MARCHF3: variants seen among roughly 807,000 people sequenced by gnomAD.
MARCHF3 encodes E3 ubiquitin-protein ligase MARCHF3.
MARCHF3 carries 13 observed loss-of-function variants against 24.2 expected under a neutral mutation model. That is an observed-to-expected ratio of 0.54 (90% confidence interval 0.35 to 0.85). The LOEUF is 0.85. MARCHF3 is among the 40% of genes least tolerant of loss of function. The pLI, the probability that MARCHF3 is intolerant of heterozygous loss-of-function variation, is 0.01. For synonymous variants in MARCHF3, 144 were observed against 137.3 expected (o/e 1.05, Z -0.34); for missense variants, 276 against 325.0 (o/e 0.85, Z 1.16).
At chr5:127,026,691 T>C (rs758773492) in intron 1 of MARCHF3, among the ~76,000 whole-genome samples, 2 of 152,160 alleles carry the variant, frequency 1.3e-5, no homozygotes, top group Non-Finnish European at 2.9e-5. Context: ...GTGTCATCTT[T>C]GAATGTGAAA....
In MARCHF3 at chr5:126,919,466, T is replaced by C. The variant is rs191616812; in HGVS notation, c.-56-1239A>G. On this transcript the variant is annotated intron_variant, in intron 1 of 4. Coordinates refer to ENST00000308660, the MANE Select transcript of MARCHF3 (RefSeq NM_178450.5). ...AAGGCTCAGACTTAAATAAATGAAATATCTTGTTATTTGCACAACCCAAAA... is the reference window on the plus strand; with the variant it reads ...AAGGCTCAGACTTAAATAAATGAAACATCTTGTTATTTGCACAACCCAAAA... Among the ~76,000 whole-genome samples the C allele has an allele frequency of 2.0e-5, 3 of 152,294 alleles. No homozygotes were observed. The East Asian group carries it at 5.8e-4, about 29-fold the overall frequency.
At chr5:126,870,812 G>C in intron 4 of MARCHF3, 21 bp from the exon 5 acceptor site, 1 of 1,612,478 alleles carries the variant, frequency 6.2e-7, no homozygotes. Flanking sequence ...GAGAGGAAAA[G>C]TAAGAGAAAA....
chr5:126,868,936 A>C lies in MARCHF3; in HGVS notation c.*1697T>G, dbSNP rs56163512. The C allele has an allele frequency of 6.6e-6, 1 of 152,156 alleles. No homozygotes were observed. The highest frequency in any genetic ancestry group is 1.5e-5 in the Non-Finnish European group (1 of 68,094). 9.4% of individuals were successfully genotyped at this position (152,156 alleles called of 1,614,324 possible). On this transcript the variant is annotated 3_prime_UTR_variant, in exon 5 of 5. Coordinates refer to ENST00000308660, the MANE Select transcript of MARCHF3 (RefSeq NM_178450.5). Reference sequence around the variant, plus strand: ...GGGGGGTGAGCAGGGCGCAGTAAACAGAAGGGCTGAGACATATATTACTGG... The same window carrying C: ...GGGGGGTGAGCAGGGCGCAGTAAACCGAAGGGCTGAGACATATATTACTGG...
At chr5:126,930,971 C>T (rs962485666) in intron 1 of MARCHF3, among the ~76,000 whole-genome samples, 1 of 152,176 alleles carries the variant, frequency 6.6e-6, no homozygotes, top group African/African-American at 2.4e-5. Context: ...TGTCCACATA[C>T]TTTGAGAGGG....
chr5:126,964,892 C>A (rs1042144826), intron 1 of MARCHF3, among the ~76,000 whole-genome samples: 1 of 152,118 alleles, frequency 6.6e-6, no homozygotes, highest in East Asian at 1.9e-4. Context: ...GAATCACATT[C>A]CTCCCTCCTA....
At chr5:127,009,707 C>T (rs758280029) in intron 1 of MARCHF3, among the ~76,000 whole-genome samples, 2 of 152,160 alleles carry the variant, frequency 1.3e-5, no homozygotes, top group African/African-American at 2.4e-5. Context: ...ACACTCTGCC[C>T]CCACAAAATC....
intron 1 of MARCHF3, among the ~76,000 whole-genome samples, chr5:126,935,329 C>T (rs926412013): frequency 6.6e-6 from 1 of 152,100 alleles, no homozygotes; most frequent in African/African-American, 2.4e-5. Context: ...AATGCTGACC[C>T]TCCCCCAAAT....
chr5:126,988,364 C>A (rs894351114), intron 1 of MARCHF3, among the ~76,000 whole-genome samples: 1 of 152,210 alleles, frequency 6.6e-6, no homozygotes, highest in African/African-American at 2.4e-5. Flanking sequence ...AAATAAAACT[C>A]AGCCCCTTGC....
chr5:126,876,152 C>T (rs562273015), intron 4 of MARCHF3, among the ~76,000 whole-genome samples: 1 of 152,248 alleles, frequency 6.6e-6, no homozygotes, highest in East Asian at 1.9e-4. Flanking sequence ...TTGAGATAAC[C>T]TTTCTTTTCT....
intron 1 of MARCHF3, among the ~76,000 whole-genome samples, chr5:126,999,513 G>A (rs1379350429): frequency 1.3e-5 from 2 of 152,042 alleles, no homozygotes; most frequent in African/African-American, 2.4e-5. Flanking sequence ...TTTGACCCTC[G>A]TTGTTCTATT....
chr5:126,898,916 AT>A (rs1293338853), intron 3 of MARCHF3: 1 of 985,028 alleles, frequency 1.0e-6, no homozygotes, highest in Non-Finnish European at 1.2e-6. Flanking sequence ...TCACAAACAG[AT>A]TATACATTTT....
At chr5:126,907,627 A>G (rs1291481527) in intron 3 of MARCHF3, among the ~76,000 whole-genome samples, 10 of 149,230 alleles carry the variant, frequency 6.7e-5, no homozygotes, top group Non-Finnish European at 1.2e-4. Flanking sequence ...GTTTTATCAG[A>G]GACTAGGATT....
intron 1 of MARCHF3, among the ~76,000 whole-genome samples, chr5:126,935,600 G>GA (rs1181674897): frequency 8.4e-6 from 1 of 119,360 alleles, no homozygotes; most frequent in Non-Finnish European, 1.8e-5. Flanking sequence ...TGTATATATG[G>GA]CTTTTTTTTT....
chr5:126,955,023 T>G (rs1303959176), intron 1 of MARCHF3, among the ~76,000 whole-genome samples: 1 of 152,234 alleles, frequency 6.6e-6, no homozygotes, highest in Non-Finnish European at 1.5e-5. Context: ...AATTGTACCA[T>G]AACATCCATA....
rs543764757 is a variant in MARCHF3 at position 126,895,043 on chromosome 5, G to A, written c.394-16649C>T. On this transcript the variant is annotated intron_variant, in intron 3 of 4. Transcript: ENST00000308660. ...CTTTTTTCTCTAAACTTCCCTTCTCGCTTCATTTCATTCATTTCATCTTCC... is the reference window on the plus strand; with the variant it reads ...CTTTTTTCTCTAAACTTCCCTTCTCACTTCATTTCATTCATTTCATCTTCC... Among the ~76,000 whole-genome samples, 11 of 151,830 alleles carry A rather than the reference G, an allele frequency of 7.2e-5. No homozygotes were observed. The South Asian group carries it at 1.5e-3, about 20-fold the overall frequency.
At chr5:126,921,673 A>C (rs1749112484) in intron 1 of MARCHF3, among the ~76,000 whole-genome samples, 1 of 152,238 alleles carries the variant, frequency 6.6e-6, no homozygotes. Context: ...CTCTTGTGGT[A>C]AAGTACTTCC....
rs143251724 is a variant in MARCHF3 at position 126,870,720 on chromosome 5, A to G, written c.675T>C (p.Ile225=). Residue 225 remains isoleucine (I), a synonymous_variant, in exon 5 of 5, where the codon ATT becomes ATC. Coordinates refer to ENST00000308660, the MANE Select transcript of MARCHF3 (RefSeq NM_178450.5). The part of the protein sequence containing the change: ...RRTNQRVILL[I]PKSVNVPSNQ... Reference sequence around the variant, plus strand: ...TAGAAGGTACATTGACAGACTTTGGAATGAGGAGAATCACCCTCTGATTGG... The same window carrying G: ...TAGAAGGTACATTGACAGACTTTGGGATGAGGAGAATCACCCTCTGATTGG... The G allele has an allele frequency of 2.5e-5, 41 of 1,614,108 alleles. No individual in the cohort carries two copies. The African/African-American group carries it at 4.9e-4, about 19-fold the overall frequency.
Position 126,962,428 on chromosome 5 carries a change from ATG to A in MARCHF3, c.-56-44203_-56-44202del, listed in dbSNP as rs1172195807. Among the ~76,000 whole-genome samples, 15 of 148,536 alleles carry A rather than the reference ATG, an allele frequency of 1.0e-4. No individual in the cohort carries two copies. In the East Asian group the frequency reaches 2.4e-3, roughly 24 times the overall value. ...AATAATCATATATGTGTGTGTGTGT[ATG>A]TGTGTGTGTTTACATATATTTATTT... On this transcript the variant is annotated intron_variant, in intron 1 of 4. Transcript: ENST00000308660.
intron 3 of MARCHF3, among the ~76,000 whole-genome samples, chr5:126,884,770 A>G (rs1449768781): frequency 6.6e-6 from 1 of 152,216 alleles, no homozygotes; most frequent in African/African-American, 2.4e-5. Context: ...CTAGGTCGCC[A>G]TCATCTCCTA....
Sources: allele counts gnomAD v4.1 joint callset (sites outside exome capture counted in the v4.1 genomes callset), GRCh38; gene constraint gnomAD v4.1.1; transcripts MANE v1.5; gene names NCBI Gene and HGNC (gene_info 2026-07-23, HGNC 2026-07-21).